The following SMARCD3 variants were observed in gnomAD, a reference collection of about 807,000 sequenced individuals.
SMARCD3 encodes SWI/SNF-related matrix-associated actin-dependent regulator of chromatin subfamily D member 3.
In SMARCD3, 14 loss-of-function variants were observed where a neutral mutation model predicts 58.0. The ratio of observed to expected loss-of-function variants is 0.24; its 90% CI spans 0.16 to 0.38. The LOEUF (loss-of-function observed/expected upper bound fraction) is 0.38. Ranked by LOEUF, SMARCD3 falls within the 10% of genes least tolerant of loss-of-function variation. The pLI, the probability that SMARCD3 is intolerant of heterozygous loss-of-function variation, is 1.00. For synonymous variants in SMARCD3, 253 were observed against 253.8 expected (o/e 1.00, Z 0.03); for missense variants, 408 against 636.9 (o/e 0.64, Z 3.87).
At chr7:151,261,711 C>T in intron 2 of SMARCD3, among the ~76,000 whole-genome samples, 1 of 152,156 alleles carries the variant, frequency 6.6e-6, no homozygotes, top group Non-Finnish European at 1.5e-5. Flanking sequence ...CTTGGATGAT[C>T]CTGCTGCCAA....
upstream of SMARCD3, among the ~76,000 whole-genome samples, chr7:151,249,792 G>A (rs1803451914): frequency 6.6e-6 from 1 of 151,294 alleles, no homozygotes; most frequent in Non-Finnish European, 1.5e-5. This position sits in a 1 kb window ranked among gnomAD's most constrained non-coding sequence, Gnocchi z 4.8. Flanking sequence ...GGGAGCCCCA[G>A]AAGGGGCGTG....
chr7:151,267,399 G>C (rs1795026107), intron 2 of SMARCD3, among the ~76,000 whole-genome samples: 1 of 152,180 alleles, frequency 6.6e-6, no homozygotes, highest in Non-Finnish European at 1.5e-5. Context: ...CCTGTTTTCT[G>C]ATCATAAGGT....
At position 151,242,201 on chromosome 7, in the gene SMARCD3, AAAG is replaced by A; in HGVS notation, c.608_610del (p.Ser203del). ...CAGCTCGATGACCAAACTCTTGAAGAAAGAAGAGAACTTCCGCTTCTGTTTGCT... is the reference window on the plus strand; with the variant it reads ...CAGCTCGATGACCAAACTCTTGAAGAAAGAGAACTTCCGCTTCTGTTTGCT... On this transcript the variant is annotated inframe_deletion, in exon 6 of 13. Coordinates refer to ENST00000262188, the MANE Select transcript of SMARCD3 (RefSeq NM_001003801.2). This position sits in a 1 kb window ranked among gnomAD's most constrained non-coding sequence, Gnocchi z 4.7. The A allele has an allele frequency of 1.2e-6, 2 of 1,614,096 alleles. No individual in the cohort carries two copies. The highest frequency in any genetic ancestry group is 1.7e-6 in the Non-Finnish European group (2 of 1,179,964).
At chr7:151,244,827 C>T (rs1803176475) in intron 2 of SMARCD3, among the ~76,000 whole-genome samples, 1 of 152,176 alleles carries the variant, frequency 6.6e-6, no homozygotes, top group African/African-American at 2.4e-5. Context: ...ACTGCTGTTG[C>T]CAGGAGCCAG....
intron 2 of SMARCD3, among the ~76,000 whole-genome samples, chr7:151,267,884 G>A (rs1795048308): frequency 6.6e-6 from 1 of 152,222 alleles, no homozygotes. Context: ...CACTGAGGTG[G>A]GAGAACTGCC....
rs2150587695 is a variant in SMARCD3, at chr7:151,239,187, T to C, written c.1399-31A>G. 4 of 1,611,170 alleles carry C rather than the reference T, an allele frequency of 2.5e-6. No individual in the cohort carries two copies. In the East Asian group the frequency reaches 8.9e-5, roughly 36 times the overall value. On this transcript the variant is annotated intron_variant, in intron 12 of 12. Transcript: ENST00000262188. The surrounding 1 kb of genome is among the most constrained non-coding windows in gnomAD (Gnocchi z 7.0). ...GAGGAAGTGAGAACAGGAGCAGGTG[T>C]CAGTGTTCTGGTGAGTGATCAGGAC... is the stretch of plus-strand genomic sequence containing the variant.
At chr7:151,255,210 C>A (rs1029917601) in intron 2 of SMARCD3, among the ~76,000 whole-genome samples, 1 of 152,118 alleles carries the variant, frequency 6.6e-6, no homozygotes, top group African/African-American at 2.4e-5. Context: ...GGCCCTAGAC[C>A]CTCCTACAGT....
chr7:151,246,890 C>A lies in SMARCD3; in HGVS notation c.79-1219G>T, dbSNP rs747757583. Among the ~76,000 whole-genome samples, 2 of 152,022 alleles carry A rather than the reference C, an allele frequency of 1.3e-5. No individual in the cohort carries two copies. Among genetic ancestry groups the A allele is most frequent in the Non-Finnish European group, 2.9e-5 (2 of 67,976 alleles). On this transcript the variant is annotated intron_variant, in intron 1 of 12. Coordinates refer to ENST00000262188, the MANE Select transcript of SMARCD3 (RefSeq NM_001003801.2). The surrounding 1 kb of genome is among the most constrained non-coding windows in gnomAD (Gnocchi z 4.4). Reference sequence around the variant, plus strand: ...AAGATCAGAGGGCAGGGGATGCAGACCCTGGCACTGTTAACATGGACACAC... The same window carrying A: ...AAGATCAGAGGGCAGGGGATGCAGAACCTGGCACTGTTAACATGGACACAC...
At chr7:151,269,332 C>A (rs991543482) in intron 2 of SMARCD3, among the ~76,000 whole-genome samples, 4 of 152,204 alleles carry the variant, frequency 2.6e-5, no homozygotes, top group Non-Finnish European at 5.9e-5. Context: ...CCAGCACCTC[C>A]TTCAAGCCTA....
At chr7:151,252,846 C>T (rs1490096635), upstream of SMARCD3, among the ~76,000 whole-genome samples, 1 of 152,172 alleles carries the variant, frequency 6.6e-6, no homozygotes, top group Non-Finnish European at 1.5e-5. Context: ...TGTTTCTGTA[C>T]CCCCGACACT....
intron 2 of SMARCD3, among the ~76,000 whole-genome samples, chr7:151,266,132 G>A (rs1232332477): frequency 3.3e-5 from 5 of 152,008 alleles, no homozygotes; most frequent in Admixed American, 6.5e-5. Context: ...ACCAGGCCCA[G>A]CTAATTTTTA....
chr7:151,272,491 G>A (rs1185203658), intron 2 of SMARCD3, among the ~76,000 whole-genome samples: 1 of 152,068 alleles, frequency 6.6e-6, no homozygotes, highest in Non-Finnish European at 1.5e-5. Flanking sequence ...TCACTCTAGG[G>A]CATTTTCCCA....
chr7:151,276,051 G>A (rs555266366), intron 1 of SMARCD3, among the ~76,000 whole-genome samples: 1 of 151,928 alleles, frequency 6.6e-6, no homozygotes, highest in African/African-American at 2.4e-5. Flanking sequence ...GGGAGTGCTG[G>A]GGATGGGAGA....
At chr7:151,256,186 T>A (rs1803692535) in intron 2 of SMARCD3, among the ~76,000 whole-genome samples, 3 of 139,932 alleles carry the variant, frequency 2.1e-5, no homozygotes, top group Admixed American at 1.4e-4. Context: ...CTGGCTTTTT[T>A]TTTTTTTATT....
chr7:151,252,859 C>T (rs535013221), upstream of SMARCD3, among the ~76,000 whole-genome samples: 1 of 152,344 alleles, frequency 6.6e-6, no homozygotes, highest in South Asian at 2.1e-4. Context: ...CCGACACTCT[C>T]TGCTGCTATC....
rs181564841 is a variant in SMARCD3 at position 151,272,921 on chromosome 7, G to A, written c.39+2193C>T. The stretch of plus-strand genomic sequence containing the variant: ...AGCTGAGGGAAGTCCACTCATCCCC[G>A]ATGGGTGGCTCAGCCTCCTCCCAGT... On this transcript the variant is annotated intron_variant, in intron 2 of 13. Transcript: ENST00000356800. Among the ~76,000 whole-genome samples the A allele has an allele frequency of 6.2e-3, 945 of 152,246 alleles. 6 individuals carry two copies. The highest frequency in any genetic ancestry group is 0.01 in the Non-Finnish European group (709 of 68,012).
rs1434368795 is a variant in SMARCD3, at chr7:151,241,513, A to C, written c.918T>G (p.Asn306Lys). ...TTACCTGCTGGAAATACTTGTCCCC[A>C]TTGATGTATTCCTTGTCATGGGAGT... is the stretch of plus-strand genomic sequence containing the variant. ...LQDSHDKEYI[N>K]GDKYFQQIFD... The change falls in exon 8 of 13, where the codon AAT becomes AAG. Residue 306 changes from asparagine to lysine, a missense_variant. By Grantham distance (94) the Asn-to-Lys change is moderately conservative (BLOSUM62 0). Transcript: ENST00000262188. The surrounding 1 kb of genome is among the most constrained non-coding windows in gnomAD (Gnocchi z 5.3). The C allele has an allele frequency of 1.2e-6, 2 of 1,612,520 alleles. No individual in the cohort carries two copies. The highest frequency in any genetic ancestry group is 1.7e-6 in the Non-Finnish European group (2 of 1,179,418).
rs1802799093 is a variant in SMARCD3, at chr7:151,238,864, C to T, written c.*239G>A. On this transcript the variant is annotated 3_prime_UTR_variant, in exon 13 of 13. Coordinates refer to ENST00000262188, the MANE Select transcript of SMARCD3 (RefSeq NM_001003801.2). ...GGAAAATTGAGTAAGGAGAAGAATC[C>T]AAGGGAAGGGAATGGGGAGTCGTCC... 9.1e-5 allele frequency: 129 copies of T among 1,416,396 alleles called. 1 individual carries two copies. The South Asian group carries it at 1.6e-3, about 18-fold the overall frequency. The allele number at this position is 1,416,396 out of a possible 1,614,324, so 87.7% of individuals were successfully genotyped here. A position where few individuals can be genotyped will look rare whatever the true frequency, so the allele number is the denominator to read the frequency against.
chr7:151,248,857 C>T, upstream of SMARCD3: 1 of 210,410 alleles, frequency 4.8e-6, no homozygotes, highest in Non-Finnish European at 8.4e-6. The surrounding 1 kb of genome is among the most constrained non-coding windows in gnomAD (Gnocchi z 6.1). Context: ...GGGACGGGGC[C>T]GCCTGCCTTT....
Sources: allele counts gnomAD v4.1 joint callset (sites outside exome capture counted in the v4.1 genomes callset), GRCh38; gene constraint gnomAD v4.1.1; non-coding constraint Gnocchi (gnomAD v3.1); transcripts MANE v1.5; gene names NCBI Gene and HGNC (gene_info 2026-07-23, HGNC 2026-07-21).